Variants in SPTBN2 observed in about 807,000 individuals in gnomAD.
The protein encoded by SPTBN2 is spectrin beta, non-erythrocytic 2, also known as spectrin beta chain, non-erythrocytic 2.
Under a neutral mutation model 284.2 loss-of-function variants are expected in SPTBN2, and 107 were observed. That is an observed-to-expected ratio of 0.38 (90% CI 0.32 to 0.44). The LOEUF is 0.44. SPTBN2 is among the 20% of genes least tolerant of loss of function. The pLI is 1.00. For synonymous variants in SPTBN2, 1,289 were observed against 1,354.8 expected (o/e 0.95, Z 1.07); for missense variants, 2,569 against 3,287.1 (o/e 0.78, Z 5.34).
rs1213296276 is a variant in SPTBN2, at chr11:66,694,186, C to A, written c.4456G>T (p.Ala1486Ser). 5 of 1,612,846 alleles carry A rather than the reference C, an allele frequency of 3.1e-6. No homozygotes were observed. The highest frequency in any genetic ancestry group is 1.7e-5 in the Admixed American group (1 of 60,028). Residue 1486 changes from alanine to serine, a missense_variant, in exon 22 of 38, where the codon GCT becomes TCT. This residue lies in a region of SPTBN2 where 1,130 missense variants were observed against 1,317.3 expected (regional missense o/e 0.86). Coordinates refer to ENST00000533211, the MANE Select transcript of SPTBN2 (RefSeq NM_006946.4). The stretch of plus-strand genomic sequence containing the variant: ...TGGAACTGGTGCTGCTCGCGAGAAG[C>A]CTGCAGGCGCCGGCAGCGTTCCCGC... ...PMRERCRRLQ[A>S]SREQHQFHRD...
At chr11:66,720,115 T>TA (rs763699772) in intron 3 of SPTBN2, among the ~76,000 whole-genome samples, 1 of 152,256 alleles carries the variant, frequency 6.6e-6, no homozygotes, top group East Asian at 1.9e-4. Context: ...CCTGTATTTG[T>TA]AAAAAACATC....
Position 66,685,584 on chromosome 11 carries a change from A to AC in SPTBN2, c.*286dup. ...ATGTTGAGGGTGCGGCACTGTCCACACCGTGGTGAGGGACAGAGGCACGAG... is the reference window on the plus strand; with the variant it reads ...ATGTTGAGGGTGCGGCACTGTCCACACCCGTGGTGAGGGACAGAGGCACGAG... On this transcript the variant is annotated 3_prime_UTR_variant, in exon 38 of 38. Transcript: ENST00000533211. This position sits in a 1 kb window ranked among gnomAD's most constrained non-coding sequence, Gnocchi z 4.4. The AC allele has an allele frequency of 4.6e-6, 2 of 435,530 alleles. No homozygotes were observed. Among genetic ancestry groups the AC allele is most frequent in the Non-Finnish European group, 8.5e-6 (2 of 234,976 alleles). 27.0% of individuals were successfully genotyped at this position (435,530 alleles called of 1,614,324 possible). A position where few individuals can be genotyped will look rare whatever the true frequency, so the allele number is the denominator to read the frequency against.
rs1245391320 is a variant in SPTBN2, at chr11:66,693,493, C to T, written c.4594-47G>A. The T allele has an allele frequency of 6.4e-7, 1 of 1,565,010 alleles. No individual in the cohort carries two copies. The highest frequency in any genetic ancestry group is 8.6e-7 in the Non-Finnish European group (1 of 1,163,674). The stretch of plus-strand genomic sequence containing the variant: ...AAAATGCTGAAAGTCCTGCCCCAGC[C>T]CCACGTGCTCCCGGAGACCACCCTT... On this transcript the variant is annotated intron_variant, in intron 23 of 37. Coordinates refer to ENST00000533211, the MANE Select transcript of SPTBN2 (RefSeq NM_006946.4). The surrounding 1 kb of genome is among the most constrained non-coding windows in gnomAD (Gnocchi z 5.7).
At chr11:66,716,311 G>A (rs534936219) in intron 3 of SPTBN2, among the ~76,000 whole-genome samples, 129 of 152,086 alleles carry the variant, frequency 8.5e-4, no homozygotes, top group Non-Finnish European at 1.0e-3. Flanking sequence ...GTGAAACCCC[G>A]TCTCTACTAA....
intron 1 of SPTBN2, among the ~76,000 whole-genome samples, chr11:66,726,776 ATAGAT>A (rs1309385010): frequency 6.6e-6 from 1 of 152,226 alleles, no homozygotes; most frequent in Non-Finnish European, 1.5e-5. Flanking sequence ...GAGATGAATA[ATAGAT>A]TAGAAGAAAT....
At chr11:66,725,907 C>A (rs1450416808) in intron 1 of SPTBN2, among the ~76,000 whole-genome samples, 27 of 152,210 alleles carry the variant, frequency 1.8e-4, no homozygotes, top group Admixed American at 1.8e-3. Flanking sequence ...CTCACCACAT[C>A]CTGCTCCTGA....
chr11:66,687,588 C>G lies in SPTBN2; in HGVS notation c.6561G>C (p.Arg2187=). The change falls in exon 35 of 38, where the codon CGG becomes CGC. Residue 2187 remains arginine, a synonymous_variant. Coordinates refer to ENST00000533211, the MANE Select transcript of SPTBN2 (RefSeq NM_006946.4). The surrounding 1 kb of genome is among the most constrained non-coding windows in gnomAD (Gnocchi z 5.2). The part of the protein sequence containing the change: ...GPRGERQTRT[R]GPAPSAMPQS... ...GGGGCATTGCAGATGGGGCCGGGCC[C>G]CGAGTCCGGGTCTGCCTCTCTCCCC... The G allele has an allele frequency of 6.2e-7, 1 of 1,610,524 alleles. No individual in the cohort carries two copies. The highest frequency in any genetic ancestry group is 8.5e-7 in the Non-Finnish European group (1 of 1,179,282).
chr11:66,728,075 G>A, intron 1 of SPTBN2: 1 of 146,740 alleles, frequency 6.8e-6, no homozygotes, highest in Non-Finnish European at 1.5e-5. Flanking sequence ...CCCCGACCCC[G>A]ACCCCGACCC....
At chr11:66,720,720 C>A (rs1265417562) in intron 3 of SPTBN2, among the ~76,000 whole-genome samples, 1 of 152,108 alleles carries the variant, frequency 6.6e-6, no homozygotes, top group Non-Finnish European at 1.5e-5. Context: ...AAAGAAGACA[C>A]AACAAGGGCA....
chr11:66,714,175 T>C lies in SPTBN2; in HGVS notation c.576-4A>G, dbSNP rs1340009272. On this transcript the variant is annotated splice_polypyrimidine_tract_variant and splice_region_variant and intron_variant, in intron 6 of 37. Coordinates refer to ENST00000533211, the MANE Select transcript of SPTBN2 (RefSeq NM_006946.4). ...GTGTACATTGACGTTGGGATAACTA[T>C]AAACAGAGATTCAGAAAATGGTGAG... 2 of 1,614,112 alleles carry C rather than the reference T, an allele frequency of 1.2e-6. No homozygotes were observed. Among genetic ancestry groups the C allele is most frequent in the Non-Finnish European group, 1.7e-6 (2 of 1,179,934 alleles).
At chr11:66,741,473 A>C (rs1466216651) in intron 1 of SPTBN2, among the ~76,000 whole-genome samples, 1 of 152,226 alleles carries the variant, frequency 6.6e-6, no homozygotes, top group Non-Finnish European at 1.5e-5. Context: ...TGTCTTCATG[A>C]GAATGAACTA....
rs11227572 is a variant in SPTBN2, at chr11:66,692,959, G to C, written c.4985+11C>G. The C allele has an allele frequency of 5.0e-6, 8 of 1,602,314 alleles. No homozygotes were observed. The South Asian group carries it at 8.8e-5, about 18-fold the overall frequency. On this transcript the variant is annotated intron_variant, in intron 25 of 37. Coordinates refer to ENST00000533211, the MANE Select transcript of SPTBN2 (RefSeq NM_006946.4). ...CACCCCCAGGCTGGGCCGGGCTGCCGCTGCACCCACCTCTCTGGGTGCTCG... is the reference window on the plus strand; with the variant it reads ...CACCCCCAGGCTGGGCCGGGCTGCCCCTGCACCCACCTCTCTGGGTGCTCG...
intron 36 of SPTBN2, 91 bp from the exon 37 acceptor site, chr11:66,686,531 GC>G (rs1940125307): frequency 7.0e-7 from 1 of 1,427,648 alleles, no homozygotes; most frequent in Admixed American, 1.7e-5. Context: ...CCAACACCAG[GC>G]TGGGACATCT....
intron 21 of SPTBN2, among the ~76,000 whole-genome samples, chr11:66,695,726 T>C (rs1940863799): frequency 6.6e-6 from 1 of 152,104 alleles, no homozygotes; most frequent in South Asian, 2.1e-4. Context: ...TTACCACCTT[T>C]TACTAATTTA....
At chr11:66,742,015 T>C in intron 1 of SPTBN2, among the ~76,000 whole-genome samples, 1 of 152,086 alleles carries the variant, frequency 6.6e-6, no homozygotes, top group East Asian at 1.9e-4. Flanking sequence ...AGAGACAGGC[T>C]GTCACTATAA....
chr11:66,692,244 A>T (rs1331915095), intron 26 of SPTBN2, among the ~76,000 whole-genome samples: 1 of 152,150 alleles, frequency 6.6e-6, no homozygotes, highest in African/African-American at 2.4e-5. Flanking sequence ...CTAATAAAAA[A>T]AAATTTTTTT....
chr11:66,688,421 A>C, intron 31 of SPTBN2, 110 bp from the exon 32 acceptor site: 1 of 1,534,954 alleles, frequency 6.5e-7, no homozygotes, highest in Non-Finnish European at 8.7e-7. Flanking sequence ...TGATAAGAGG[A>C]GAACAGAATT....
chr11:66,699,798 G>A lies in SPTBN2; in HGVS notation c.3574-190C>T. On this transcript the variant is annotated intron_variant, in intron 17 of 37. Transcript: ENST00000533211. ...TCAGAAAGTCACAGGGAAGCTGGGT[G>A]GGAAGGACCTTCCATTCCCCAGCCC... is the stretch of plus-strand genomic sequence containing the variant. Among the ~76,000 whole-genome samples, 2 of 152,128 alleles carry A rather than the reference G, an allele frequency of 1.3e-5. 1 individual carries two copies. Among genetic ancestry groups the A allele is most frequent in the South Asian group, 4.1e-4 (2 of 4,830 alleles).
At position 66,708,133 on chromosome 11, in the gene SPTBN2, A is replaced by C. The variant is rs373065118; in HGVS notation, c.1350+8T>G. On this transcript the variant is annotated splice_region_variant and intron_variant, in intron 12 of 37. Coordinates refer to ENST00000533211, the MANE Select transcript of SPTBN2 (RefSeq NM_006946.4). This position sits in a 1 kb window ranked among gnomAD's most constrained non-coding sequence, Gnocchi z 4.4. The stretch of plus-strand genomic sequence containing the variant: ...CAGCCTAAGCATCCTAGGAGCCTCA[A>C]GTCCTACCTGGGACACGAGGCGCTG... The C allele has an allele frequency of 1.2e-6, 2 of 1,613,004 alleles. No homozygotes were observed. Among genetic ancestry groups the C allele is most frequent in the Non-Finnish European group, 1.7e-6 (2 of 1,179,900 alleles).
Sources: gnomAD v4.1 joint callset for allele counts (sites outside exome capture counted in the v4.1 genomes callset) on GRCh38, gnomAD v4.1.1 for gene constraint, gnomAD v4.1.1 regional missense constraint, Gnocchi (gnomAD v3.1) non-coding constraint, MANE v1.5 for transcripts, NCBI Gene and HGNC (gene_info 2026-07-23, HGNC 2026-07-21) for gene names.